Variants in IFT81 observed in about 807,000 individuals in gnomAD.
IFT81 encodes intraflagellar transport protein 81 homolog.
In IFT81, 72 loss-of-function variants were observed where a neutral mutation model predicts 102.6. That is an observed-to-expected ratio of 0.70 (90% confidence interval 0.58 to 0.85). The LOEUF is 0.85. Ranked by LOEUF, IFT81 falls within the 40% of genes least tolerant of loss-of-function variation. The probability of loss-of-function intolerance (pLI) is 0.00; values close to 1 mark genes in which losing one functional copy is unlikely to be tolerated. For synonymous variants in IFT81, 237 were observed against 242.7 expected (o/e 0.98, Z 0.22); for missense variants, 723 against 787.3 (o/e 0.92, Z 0.98).
rs1180918398 is a variant in IFT81 at position 110,192,632 on chromosome 12, T to A, written c.1483T>A (p.Ser495Thr). The change falls in exon 14 of 19, where the codon TCA (serine) becomes ACA (threonine). Residue 495 changes from serine to threonine, a missense_variant. Coordinates refer to ENST00000242591, the MANE Select transcript of IFT81 (RefSeq NM_014055.4). Reference sequence around the variant, plus strand: ...CAAATAACAGGTGAAAAAACTGTATTCATTGGTATCTGAAAAGAAGTCAGC... The same window carrying A: ...CAAATAACAGGTGAAAAAACTGTATACATTGGTATCTGAAAAGAAGTCAGC... The part of the protein sequence containing the change: ...DMSEMVKKLY[S>T]LVSEKKSALA... The A allele has an allele frequency of 1.5e-5, 24 of 1,573,046 alleles. No individual in the cohort carries two copies. Among genetic ancestry groups the A allele is most frequent in the Non-Finnish European group, 2.1e-5 (24 of 1,157,730 alleles).
chr12:110,159,553 G>A (rs1318855412), intron 10 of IFT81, among the ~76,000 whole-genome samples: 2 of 152,136 alleles, frequency 1.3e-5, no homozygotes, highest in Non-Finnish European at 2.9e-5. Context: ...GCTTTTTAAT[G>A]TCTTAGTCTT....
At chr12:110,174,555 A>C (rs1896959319) in intron 11 of IFT81, among the ~76,000 whole-genome samples, 1 of 152,120 alleles carries the variant, frequency 6.6e-6, no homozygotes, top group African/African-American at 2.4e-5. Context: ...AATTACTTTG[A>C]AAATCATTTT....
intron 11 of IFT81, chr12:110,172,224 G>A (rs538084335): frequency 3.7e-4 from 57 of 153,848 alleles, no homozygotes; most frequent in East Asian, 3.8e-4. Flanking sequence ...GAGGTCAGGC[G>A]TTCTAGACCA....
At chr12:110,179,596 C>T (rs1897199644) in intron 11 of IFT81, among the ~76,000 whole-genome samples, 1 of 150,604 alleles carries the variant, frequency 6.6e-6, no homozygotes, top group Admixed American at 6.6e-5. Context: ...GTGCTCTGCA[C>T]CTGTGGTCCT....
chr12:110,144,416 C>T (rs546794060), intron 9 of IFT81, among the ~76,000 whole-genome samples: 117 of 151,802 alleles, frequency 7.7e-4, no homozygotes, highest in Non-Finnish European at 1.2e-3. Context: ...AGGGTTTCAC[C>T]GTGTTGGTCA....
chr12:110,130,402 G>C (rs912747237), intron 4 of IFT81, among the ~76,000 whole-genome samples: 3 of 141,284 alleles, frequency 2.1e-5, no homozygotes, highest in Non-Finnish European at 4.5e-5. Context: ...GTCTTGCTCT[G>C]TTGCCCAGGC....
Position 110,153,902 on chromosome 12 carries a change from C to G in IFT81, c.1041+6854C>G, listed in dbSNP as rs982094021. On this transcript the variant is annotated intron_variant, in intron 10 of 18. Coordinates refer to ENST00000242591, the MANE Select transcript of IFT81 (RefSeq NM_014055.4). ...AAAGTGCTGGGATTACAGGCATGAGCCACCGCGCCCAGCCTGGTATTCGTT... is the reference window on the plus strand; with the variant it reads ...AAAGTGCTGGGATTACAGGCATGAGGCACCGCGCCCAGCCTGGTATTCGTT... 1.6e-4 allele frequency among the ~76,000 whole-genome samples: 24 copies of G among 151,058 alleles called. 1 individual carries two copies. Among genetic ancestry groups the G allele is most frequent in the Non-Finnish European group, 2.9e-5 (2 of 67,824 alleles).
At chr12:110,126,016 C>T (rs576975955) in intron 1 of IFT81, among the ~76,000 whole-genome samples, 1 of 152,254 alleles carries the variant, frequency 6.6e-6, no homozygotes, top group East Asian at 1.9e-4. Context: ...CGGTGGCTCA[C>T]GCCTGTAATT....
At chr12:110,180,920 C>T (rs1042821210) in intron 12 of IFT81, among the ~76,000 whole-genome samples, 1 of 152,204 alleles carries the variant, frequency 6.6e-6, no homozygotes, top group African/African-American at 2.4e-5. Flanking sequence ...TAAGCAGCCA[C>T]TTCCAAGAAG....
chr12:110,158,552 G>A (rs968917859), intron 10 of IFT81, among the ~76,000 whole-genome samples: 6 of 150,262 alleles, frequency 4.0e-5, no homozygotes, highest in Non-Finnish European at 7.4e-5. Context: ...TTTTCCTTTA[G>A]ATGTGTCATA....
intron 14 of IFT81, among the ~76,000 whole-genome samples, chr12:110,197,911 C>T (rs933537585): frequency 4.6e-5 from 7 of 152,034 alleles, no homozygotes; most frequent in Non-Finnish European, 1.0e-4. Context: ...GGGGTTTCTC[C>T]ATGTTGGTCA....
intron 10 of IFT81, among the ~76,000 whole-genome samples, chr12:110,159,413 T>C (rs1044101980): frequency 3.9e-5 from 6 of 152,140 alleles, no homozygotes; most frequent in African/African-American, 1.4e-4. Flanking sequence ...TGAGCCAAGA[T>C]TGGGCCACTG....
At chr12:110,177,328 G>T (rs1165625868) in intron 11 of IFT81, among the ~76,000 whole-genome samples, 3 of 152,138 alleles carry the variant, frequency 2.0e-5, no homozygotes, top group African/African-American at 7.2e-5. Context: ...TGTCGCTCAG[G>T]CTGGAGTGCA....
chr12:110,133,735 A>G (rs1894317802), intron 5 of IFT81, among the ~76,000 whole-genome samples: 1 of 152,234 alleles, frequency 6.6e-6, no homozygotes, highest in Non-Finnish European at 1.5e-5. Flanking sequence ...TATTCTGTAG[A>G]TAAATGTTGT....
intron 11 of IFT81, among the ~76,000 whole-genome samples, chr12:110,179,826 T>C (rs1221942026): frequency 7.4e-6 from 1 of 135,910 alleles, no homozygotes; most frequent in Non-Finnish European, 1.6e-5. Flanking sequence ...TATACATATA[T>C]TAAACATATA....
At chr12:110,179,699 C>A (rs1897205683) in intron 11 of IFT81, among the ~76,000 whole-genome samples, 1 of 127,530 alleles carries the variant, frequency 7.8e-6, no homozygotes, top group South Asian at 2.6e-4. Context: ...CCAGCCTGGG[C>A]AACAGAGCAA....
chr12:110,195,226 CAT>C (rs1491388802), intron 14 of IFT81, among the ~76,000 whole-genome samples: 2 of 152,290 alleles, frequency 1.3e-5, no homozygotes, highest in East Asian at 3.9e-4. Context: ...TTCTCTCCCT[CAT>C]GTGTGTGTGT....
intron 8 of IFT81, 25 bp from the exon 9 acceptor site, chr12:110,143,357 A>G (rs773534261): frequency 1.6e-6 from 2 of 1,216,570 alleles, no homozygotes; most frequent in Non-Finnish European, 2.2e-6. Context: ...TTTGGGCTGA[A>G]TATTTATTTA....
intron 5 of IFT81, among the ~76,000 whole-genome samples, chr12:110,133,385 G>A (rs1257367324): frequency 1.3e-5 from 2 of 151,888 alleles, no homozygotes; most frequent in Non-Finnish European, 2.9e-5. Flanking sequence ...CACTTTGGGT[G>A]GCCGAGGCTG....
Sources: gnomAD v4.1 joint callset for allele counts (sites outside exome capture counted in the v4.1 genomes callset) on GRCh38, gnomAD v4.1.1 for gene constraint, MANE v1.5 for transcripts, NCBI Gene and HGNC (gene_info 2026-07-23, HGNC 2026-07-21) for gene names.